EDAR: variants seen among roughly 807,000 people sequenced by gnomAD.
EDAR encodes the protein tumor necrosis factor receptor superfamily member EDAR.
A neutral mutation model predicts 51.3 loss-of-function variants in EDAR; 38 were observed. The ratio of observed to expected loss-of-function variants is 0.74; its 90% confidence interval spans 0.57 to 0.97. EDAR has a LOEUF of 0.97. Ranked by LOEUF, EDAR falls within the 50% of genes least tolerant of loss-of-function variation. The pLI is 0.00. For missense variants in EDAR, 528 were observed against 595.0 expected (o/e 0.89, Z 1.17); for synonymous variants, 227 against 242.1 (o/e 0.94, Z 0.58).
At position 108,929,311 on chromosome 2, in the gene EDAR, T is replaced by A. The variant is rs145518416; in HGVS notation, c.243A>T (p.Lys81Asn). ...CVPCPAEKFSKGGYQICRRHK... is the reference protein window; with the variant it reads ...CVPCPAEKFSNGGYQICRRHK... ...GACGCCTGCATATCTGGTAGCCTCC[T>A]TTGGAAAACTTCTCCGCCGGGCAGG... The change falls in exon 4 of 12, where the codon AAA (lysine) becomes AAT (asparagine). Residue 81 changes from lysine to asparagine, a missense_variant. By Grantham distance (94) the Lys-to-Asn change is moderately conservative. Transcript: ENST00000258443. 1.2e-6 allele frequency: 2 copies of A among 1,614,146 alleles called. No individual in the cohort carries two copies. The highest frequency in any genetic ancestry group is 1.7e-6 in the Non-Finnish European group (2 of 1,180,032).
intron 11 of EDAR, among the ~76,000 whole-genome samples, chr2:108,897,588 G>T (rs972226218): frequency 4.6e-5 from 7 of 152,138 alleles, no homozygotes; most frequent in Admixed American, 4.6e-4. Context: ...ATGGGGCTGG[G>T]CTGAGGAGGG....
At chr2:108,904,915 G>A (rs887067791) in intron 11 of EDAR, among the ~76,000 whole-genome samples, 1 of 152,184 alleles carries the variant, frequency 6.6e-6, no homozygotes, top group African/African-American at 2.4e-5. Context: ...TGTCCTGGTT[G>A]TGACTTCTGT....
At chr2:108,925,459 G>A (rs1331053508) in intron 4 of EDAR, among the ~76,000 whole-genome samples, 1 of 152,208 alleles carries the variant, frequency 6.6e-6, no homozygotes, top group African/African-American at 2.4e-5. Context: ...TTGAGCATGG[G>A]GAGGGTGGTG....
chr2:108,986,758 A>G (rs1698507290), intron 1 of EDAR, among the ~76,000 whole-genome samples: 1 of 152,198 alleles, frequency 6.6e-6, no homozygotes, highest in African/African-American at 2.4e-5. Context: ...TTTATTTTTT[A>G]GGAAAATAGT....
chr2:108,925,132 C>T (rs758184086), intron 4 of EDAR, among the ~76,000 whole-genome samples: 15 of 150,382 alleles, frequency 1.0e-4, no homozygotes, highest in Non-Finnish European at 1.5e-4. Context: ...GCCTTGTTCA[C>T]GTCTATTGGT....
At chr2:108,981,368 A>G (rs1462471620) in intron 1 of EDAR, among the ~76,000 whole-genome samples, 1 of 152,234 alleles carries the variant, frequency 6.6e-6, no homozygotes, top group East Asian at 1.9e-4. Flanking sequence ...TCAGGGAAGA[A>G]GAAAGGCTCC....
At chr2:108,929,143 C>T in intron 4 of EDAR, 55 bp downstream of exon 4, 1 of 1,606,778 alleles carries the variant, frequency 6.2e-7, no homozygotes, top group Non-Finnish European at 8.5e-7. Context: ...CCCGTAGCCC[C>T]TCGGGGTTTT....
chr2:108,946,030 C>T (rs1362833234), intron 1 of EDAR, among the ~76,000 whole-genome samples: 3 of 152,190 alleles, frequency 2.0e-5, no homozygotes, highest in Non-Finnish European at 4.4e-5. Context: ...TGCACTAGTA[C>T]TGGCAGCACT....
chr2:108,924,574 G>A (rs1192904306), intron 4 of EDAR, among the ~76,000 whole-genome samples: 1 of 152,140 alleles, frequency 6.6e-6, no homozygotes, highest in Non-Finnish European at 1.5e-5. Flanking sequence ...AGGCCCCATG[G>A]AGGCCCCTGC....
intron 5 of EDAR, among the ~76,000 whole-genome samples, chr2:108,913,752 C>A (rs886473731): frequency 3.3e-5 from 5 of 151,972 alleles, no homozygotes; most frequent in Non-Finnish European, 7.4e-5. Context: ...AGATCAAGAT[C>A]ATCCTGGCTA....
chr2:108,971,358 C>G (rs374622116), intron 1 of EDAR, among the ~76,000 whole-genome samples: 1 of 152,068 alleles, frequency 6.6e-6, no homozygotes. Flanking sequence ...AGGCCGCACC[C>G]GAGACCTCCA....
At chr2:108,901,230 C>G (rs2105379432) in intron 11 of EDAR, among the ~76,000 whole-genome samples, 1 of 152,258 alleles carries the variant, frequency 6.6e-6, no homozygotes, top group East Asian at 1.9e-4. Context: ...CAACAGTCTT[C>G]TAAATAATCC....
At chr2:108,956,865 C>G (rs998227837) in intron 1 of EDAR, among the ~76,000 whole-genome samples, 2 of 151,926 alleles carry the variant, frequency 1.3e-5, no homozygotes, top group Non-Finnish European at 2.9e-5. Flanking sequence ...CTCAGCACAC[C>G]GCAACCTCCA....
intron 1 of EDAR, among the ~76,000 whole-genome samples, chr2:108,935,582 G>A (rs1395942702): frequency 6.6e-6 from 1 of 152,096 alleles, no homozygotes; most frequent in Non-Finnish European, 1.5e-5. Context: ...GCCTTGGCTG[G>A]GTCTCTCCCT....
intron 5 of EDAR, among the ~76,000 whole-genome samples, chr2:108,913,532 G>A (rs1185881116): frequency 6.6e-6 from 1 of 152,094 alleles, no homozygotes; most frequent in Non-Finnish European, 1.5e-5. Context: ...GGAAAAGGGG[G>A]CCAGGCATGG....
At chr2:108,934,454 C>A (rs902474506) in intron 1 of EDAR, among the ~76,000 whole-genome samples, 12 of 152,194 alleles carry the variant, frequency 7.9e-5, no homozygotes, top group Non-Finnish European at 1.8e-4. Flanking sequence ...GGGGCTCCAG[C>A]CTCGTGCACA....
At chr2:108,969,918 A>C (rs1698207565) in intron 1 of EDAR, among the ~76,000 whole-genome samples, 1 of 152,256 alleles carries the variant, frequency 6.6e-6, no homozygotes. Flanking sequence ...TCCAGAGTTC[A>C]ATCTGGGTCA....
At position 108,910,518 on chromosome 2, in the gene EDAR, A is replaced by G; in HGVS notation, c.745T>C (p.Phe249Leu). ...KKEAPDNVVM[F>L]SEKDEFEKLT... ...TTCTCAAATTCATCCTTCTCGGAGA[A>G]CATCACCACGTTGTCTGCAGGGAAA... The change falls in exon 9 of 12, where the codon TTC becomes CTC. Residue 249 changes from phenylalanine to leucine, a missense_variant. Coordinates refer to ENST00000258443, the MANE Select transcript of EDAR (RefSeq NM_022336.4). The G allele has an allele frequency of 6.8e-6, 11 of 1,613,516 alleles. No homozygotes were observed. The highest frequency in any genetic ancestry group is 9.3e-6 in the Non-Finnish European group (11 of 1,179,670).
At chr2:108,926,486 G>C (rs563414361) in intron 4 of EDAR, among the ~76,000 whole-genome samples, 1 of 152,158 alleles carries the variant, frequency 6.6e-6, no homozygotes, top group Non-Finnish European at 1.5e-5. Context: ...CAGATTCCCA[G>C]ATGTTCATTT....
Sources: gnomAD v4.1 joint callset for allele counts (sites outside exome capture counted in the v4.1 genomes callset) on GRCh38, gnomAD v4.1.1 for gene constraint, MANE v1.5 for transcripts, NCBI Gene and HGNC (gene_info 2026-07-23, HGNC 2026-07-21) for gene names.